DOK5: variants seen among roughly 807,000 people sequenced by gnomAD.
DOK5 encodes downstream of tyrosine kinase 5.
A neutral mutation model predicts 43.3 loss-of-function variants in DOK5; 27 were observed. That is an observed-to-expected ratio of 0.62 (90% CI 0.46 to 0.86). DOK5 has a LOEUF of 0.86. Among genes scored for constraint, DOK5 ranks in the 40% least tolerant of loss-of-function variants. DOK5 has a pLI of 0.00. For missense variants in DOK5, 373 were observed against 392.9 expected (o/e 0.95, Z 0.43); for synonymous variants, 146 against 140.1 (o/e 1.04, Z -0.30).
intron 2 of DOK5, among the ~76,000 whole-genome samples, chr20:54,577,197 G>A (rs1463613338): frequency 6.6e-6 from 1 of 152,120 alleles, no homozygotes; most frequent in Admixed American, 6.5e-5. Flanking sequence ...ATTGATCCTT[G>A]TAATGGGTTT....
intron 6 of DOK5, among the ~76,000 whole-genome samples, chr20:54,613,139 T>C (rs149836495): frequency 1.4e-4 from 22 of 152,146 alleles, no homozygotes; most frequent in Middle Eastern, 3.4e-3. Context: ...CTGATGAAAA[T>C]GGCTGGAGGA....
At position 54,475,721 on chromosome 20, in the gene DOK5, G is replaced by T; in HGVS notation, c.-226G>T. 1 of 602,194 alleles carries T rather than the reference G, an allele frequency of 1.7e-6. No homozygotes were observed. 37.3% of individuals were successfully genotyped at this position (602,194 alleles called of 1,614,324 possible). On this transcript the variant is annotated 5_prime_UTR_variant, in exon 1 of 8. Coordinates refer to ENST00000262593, the MANE Select transcript of DOK5 (RefSeq NM_018431.5). The surrounding 1 kb of genome is among the most constrained non-coding windows in gnomAD (Gnocchi z 4.2). ...CTCCAGCCTCGCCTCCCCGCGCCGCGCTCTGCGCTCCCCGAAAGTGGCTGC... is the reference window on the plus strand; with the variant it reads ...CTCCAGCCTCGCCTCCCCGCGCCGCTCTCTGCGCTCCCCGAAAGTGGCTGC...
intron 1 of DOK5, among the ~76,000 whole-genome samples, chr20:54,538,957 A>G (rs1243929780): frequency 6.6e-6 from 1 of 152,168 alleles, no homozygotes; most frequent in African/African-American, 2.4e-5. Context: ...GATTACACAC[A>G]TATAACATCG....
At chr20:54,591,179 A>G (rs957230239) in intron 4 of DOK5, among the ~76,000 whole-genome samples, 23 of 152,236 alleles carry the variant, frequency 1.5e-4, no homozygotes, top group African/African-American at 4.8e-4. Flanking sequence ...AAGTTGATCA[A>G]TATAACTTTA....
chr20:54,602,998 C>G (rs774686427), intron 5 of DOK5, among the ~76,000 whole-genome samples: 2 of 152,152 alleles, frequency 1.3e-5, no homozygotes, highest in Non-Finnish European at 2.9e-5. Context: ...AGTCTGCTTT[C>G]AATTTATAAC....
chr20:54,612,937 G>A (rs747640940), intron 6 of DOK5, among the ~76,000 whole-genome samples: 13 of 152,178 alleles, frequency 8.5e-5, no homozygotes, highest in Non-Finnish European at 1.6e-4. Flanking sequence ...AATGGGAAGG[G>A]TAATAGTATT....
At chr20:54,477,667 C>A (rs940959315) in intron 1 of DOK5, among the ~76,000 whole-genome samples, 2 of 150,862 alleles carry the variant, frequency 1.3e-5, no homozygotes, top group African/African-American at 2.4e-5. Context: ...AAAAACCCAG[C>A]ATTCTAATTT....
intron 6 of DOK5, among the ~76,000 whole-genome samples, chr20:54,630,309 G>A (rs185706705): frequency 2.9e-4 from 44 of 152,294 alleles, no homozygotes; most frequent in African/African-American, 1.1e-3. Context: ...ATAGAGTAGA[G>A]GAGATAGTCA....
intron 1 of DOK5, among the ~76,000 whole-genome samples, chr20:54,547,921 A>C (rs1984400330): frequency 6.6e-6 from 1 of 152,208 alleles, no homozygotes; most frequent in South Asian, 2.1e-4. Flanking sequence ...TCAGATCAGC[A>C]TGCATTCAGC....
At chr20:54,583,384 C>T (rs1446655708) in intron 2 of DOK5, among the ~76,000 whole-genome samples, 3 of 151,966 alleles carry the variant, frequency 2.0e-5, no homozygotes, top group Admixed American at 6.6e-5. Flanking sequence ...TGTATTTGTC[C>T]GTTAAGTTTA....
intron 1 of DOK5, among the ~76,000 whole-genome samples, chr20:54,495,906 G>C (rs1568754065): frequency 6.6e-6 from 1 of 152,068 alleles, no homozygotes; most frequent in Non-Finnish European, 1.5e-5. Flanking sequence ...TTAGAAAGAA[G>C]TACATTTCCC....
intron 2 of DOK5, among the ~76,000 whole-genome samples, chr20:54,569,478 C>G (rs766109586): frequency 1.3e-5 from 2 of 152,148 alleles, no homozygotes; most frequent in Non-Finnish European, 2.9e-5. Context: ...TTTGCTAATA[C>G]CAATTCTATT....
intron 1 of DOK5, among the ~76,000 whole-genome samples, chr20:54,485,308 G>A (rs994718663): frequency 4.7e-5 from 7 of 150,010 alleles, no homozygotes; most frequent in Admixed American, 3.3e-4. Flanking sequence ...AGCTGAGATC[G>A]TGCCATTGCA....
At chr20:54,610,815 A>G (rs533534081) in intron 6 of DOK5, among the ~76,000 whole-genome samples, 10 of 152,318 alleles carry the variant, frequency 6.6e-5, no homozygotes, top group African/African-American at 1.9e-4. Flanking sequence ...TCATCTACCT[A>G]TGGAGATATG....
chr20:54,630,290 A>G (rs1978504699), intron 6 of DOK5, among the ~76,000 whole-genome samples: 1 of 152,192 alleles, frequency 6.6e-6, no homozygotes, highest in African/African-American at 2.4e-5. Context: ...CTGATACATA[A>G]GAAGTCTTAT....
At chr20:54,607,468 C>A (rs563002722) in intron 5 of DOK5, among the ~76,000 whole-genome samples, 19 of 150,290 alleles carry the variant, frequency 1.3e-4, no homozygotes, top group East Asian at 1.9e-4. Flanking sequence ...AGAGGGAAGT[C>A]CATGTACATT....
At chr20:54,528,908 T>C (rs1983670278) in intron 1 of DOK5, among the ~76,000 whole-genome samples, 1 of 152,190 alleles carries the variant, frequency 6.6e-6, no homozygotes, top group Admixed American at 6.5e-5. Flanking sequence ...AGTGGAGTTG[T>C]GGTAAGTCAT....
chr20:54,600,306 G>A (rs1385989162), intron 5 of DOK5, among the ~76,000 whole-genome samples: 2 of 152,006 alleles, frequency 1.3e-5, no homozygotes, highest in Non-Finnish European at 2.9e-5. Flanking sequence ...GAGCCCTCAG[G>A]GGCTGTGTAG....
intron 2 of DOK5, among the ~76,000 whole-genome samples, chr20:54,570,620 A>T (rs1985253018): frequency 6.6e-6 from 1 of 152,226 alleles, no homozygotes; most frequent in Non-Finnish European, 1.5e-5. Flanking sequence ...CAGCAAAAGA[A>T]AGGGAAAAAT....
Sources: allele counts gnomAD v4.1 joint callset (sites outside exome capture counted in the v4.1 genomes callset), GRCh38; gene constraint gnomAD v4.1.1; non-coding constraint Gnocchi (gnomAD v3.1); transcripts MANE v1.5; gene names NCBI Gene and HGNC (gene_info 2026-07-23, HGNC 2026-07-21).